Variants in APBA1 observed in about 807,000 individuals in gnomAD.
APBA1 encodes the protein amyloid-beta A4 precursor protein-binding family A member 1.
In APBA1, 55 loss-of-function variants were observed where a neutral mutation model predicts 86.6. The ratio of observed to expected loss-of-function variants is 0.64; its 90% confidence interval spans 0.51 to 0.80. The LOEUF is 0.80. APBA1 is among the 30% of genes least tolerant of loss of function. The probability of loss-of-function intolerance (pLI) is 0.00; values close to 1 mark genes in which losing one functional copy is unlikely to be tolerated. For synonymous variants in APBA1, 511 were observed against 493.9 expected, an observed-to-expected ratio of 1.03 and a Z score of -0.46; for missense variants, 1,090 against 1,183.0, an observed-to-expected ratio of 0.92 and a Z score of 1.15.
intron 1 of APBA1, among the ~76,000 whole-genome samples, chr9:69,587,551 G>A (rs1822045324): frequency 6.6e-6 from 1 of 152,084 alleles, no homozygotes; most frequent in African/African-American, 2.4e-5. Context: ...ACATTTCTCG[G>A]CATCCCTTGC....
At chr9:69,565,180 A>G (rs1837005731) in intron 1 of APBA1, among the ~76,000 whole-genome samples, 2 of 152,130 alleles carry the variant, frequency 1.3e-5, no homozygotes, top group Admixed American at 1.3e-4. Context: ...TAAAATGTGA[A>G]GTGCTGTCAG....
chr9:69,452,364 C>T (rs964600777), intron 8 of APBA1, 63 bp from the exon 9 acceptor site: 171 of 1,517,108 alleles, frequency 1.1e-4, no homozygotes, highest in South Asian at 9.0e-4. Context: ...AGCGGCCTGG[C>T]GCACTTCCCA....
chr9:69,496,975 C>T (rs1683084940), intron 2 of APBA1, among the ~76,000 whole-genome samples: 1 of 152,002 alleles, frequency 6.6e-6, no homozygotes, highest in African/African-American at 2.4e-5. Flanking sequence ...TCAGAAATGA[C>T]CAGCACACGT....
intron 1 of APBA1, among the ~76,000 whole-genome samples, chr9:69,545,171 T>A (rs537557508): frequency 6.6e-6 from 1 of 152,270 alleles, no homozygotes; most frequent in African/African-American, 2.4e-5. Context: ...AAAACTACCT[T>A]AGGAGTTGTG....
At chr9:69,485,714 A>G (rs922692491) in intron 2 of APBA1, among the ~76,000 whole-genome samples, 5 of 152,104 alleles carry the variant, frequency 3.3e-5, no homozygotes, top group Non-Finnish European at 7.3e-5. Context: ...CTACATAATT[A>G]CAAGGTCTCC....
chr9:69,579,818 A>G (rs890846109), intron 1 of APBA1, among the ~76,000 whole-genome samples: 1 of 152,220 alleles, frequency 6.6e-6, no homozygotes, highest in Non-Finnish European at 1.5e-5. Context: ...AAAAGAGAAA[A>G]GCCAATTTGG....
chr9:69,658,771 C>T (rs575316818), intron 1 of APBA1, among the ~76,000 whole-genome samples: 165 of 152,098 alleles, frequency 1.1e-3, no homozygotes, highest in African/African-American at 3.7e-3. Context: ...TTTGGGAGGG[C>T]TGCACTTGCT....
At chr9:69,456,956 C>T (rs1835108319) in intron 7 of APBA1, 97 bp downstream of exon 7, 5 of 1,024,428 alleles carry the variant, frequency 4.9e-6, no homozygotes, top group Non-Finnish European at 7.5e-6. Context: ...CTAGGGACAG[C>T]TGCTCTACAG....
intron 2 of APBA1, among the ~76,000 whole-genome samples, chr9:69,501,457 C>T (rs1479612594): frequency 6.6e-6 from 1 of 152,008 alleles, no homozygotes; most frequent in Non-Finnish European, 1.5e-5. Flanking sequence ...ATCTGTTCCT[C>T]TCCCAGCACC....
At chr9:69,523,433 TCAACAAGAAAGCTTAGC>T (rs1836284261) in intron 1 of APBA1, among the ~76,000 whole-genome samples, 1 of 137,220 alleles carries the variant, frequency 7.3e-6, no homozygotes, top group African/African-American at 2.8e-5. Flanking sequence ...AGGGTTCAAT[TCAACAAGAAAGCTTAGC>T]TATCATGTAT....
At chr9:69,633,841 T>C (rs1045221629) in intron 1 of APBA1, among the ~76,000 whole-genome samples, 7 of 152,210 alleles carry the variant, frequency 4.6e-5, no homozygotes, top group African/African-American at 1.4e-4. Flanking sequence ...AGCTCTTAAT[T>C]ATAACCAGAA....
At chr9:69,592,600 AAAT>A (rs1441112478) in intron 1 of APBA1, among the ~76,000 whole-genome samples, 6 of 152,178 alleles carry the variant, frequency 3.9e-5, no homozygotes, top group Admixed American at 1.3e-4. Context: ...ATCTCTTTAA[AAAT>A]AAATAAAGAA....
chr9:69,601,357 C>G (rs1409803152), intron 1 of APBA1, among the ~76,000 whole-genome samples: 1 of 152,056 alleles, frequency 6.6e-6, no homozygotes, highest in Non-Finnish European at 1.5e-5. Context: ...AGAGAAAATA[C>G]AAGAAAATTG....
At chr9:69,517,777 C>G (rs1264059323) in intron 1 of APBA1, among the ~76,000 whole-genome samples, 1 of 152,226 alleles carries the variant, frequency 6.6e-6, no homozygotes, top group African/African-American at 2.4e-5. Flanking sequence ...GGTCCCGCCC[C>G]GGTTCTGTCA....
At chr9:69,647,209 G>A (rs972055503) in intron 1 of APBA1, among the ~76,000 whole-genome samples, 9 of 152,112 alleles carry the variant, frequency 5.9e-5, no homozygotes, top group African/African-American at 2.2e-4. Flanking sequence ...GCTTTTTGTT[G>A]TTGTTGTTCA....
chr9:69,615,383 A>G (rs1054602999), intron 1 of APBA1, among the ~76,000 whole-genome samples: 2 of 152,226 alleles, frequency 1.3e-5, no homozygotes, highest in Non-Finnish European at 1.5e-5. Flanking sequence ...AAGTTCAAAA[A>G]GAATTTTCTC....
chr9:69,457,142 G>A lies in APBA1; in HGVS notation c.1516-3C>T. The A allele has an allele frequency of 6.2e-7, 1 of 1,613,476 alleles. No homozygotes were observed. Among genetic ancestry groups the A allele is most frequent in the Non-Finnish European group, 8.5e-7 (1 of 1,179,426 alleles). ...GGCTGAGATTCGCCTTCAGGAGCCT[G>A]AGAAGAAAAAATGCACCAAGAGAAA... On this transcript the variant is annotated splice_region_variant and splice_polypyrimidine_tract_variant and intron_variant, in intron 6 of 12. Transcript: ENST00000265381.
chr9:69,524,703 A>T (rs1011733790), intron 1 of APBA1, among the ~76,000 whole-genome samples: 6 of 152,146 alleles, frequency 3.9e-5, no homozygotes, highest in Admixed American at 3.9e-4. Context: ...TACAAAAATT[A>T]TGGAGAAGGG....
chr9:69,540,828 C>G (rs912203467), intron 1 of APBA1, among the ~76,000 whole-genome samples: 3 of 152,158 alleles, frequency 2.0e-5, no homozygotes, highest in African/African-American at 4.8e-5. Context: ...TGAACTTGAA[C>G]TTTCGGCCTC....
Sources: gnomAD v4.1 joint callset for allele counts (sites outside exome capture counted in the v4.1 genomes callset) on GRCh38, gnomAD v4.1.1 for gene constraint, MANE v1.5 for transcripts, NCBI Gene and HGNC (gene_info 2026-07-23, HGNC 2026-07-21) for gene names.